The following ZFHX3 variants were observed in gnomAD, a reference collection of about 807,000 sequenced individuals.
ZFHX3 encodes the protein zinc finger homeobox protein 3.
A neutral mutation model predicts 279.1 loss-of-function variants in ZFHX3; 42 were observed. The ratio of observed to expected loss-of-function variants is 0.15; its 90% CI spans 0.12 to 0.19. The LOEUF (loss-of-function observed/expected upper bound fraction) is 0.19, where lower values mean the gene tolerates loss of function less well. Ranked by LOEUF, ZFHX3 falls within the 10% of genes least tolerant of loss-of-function variation. The pLI is 1.00. For missense variants in ZFHX3, 4,981 were observed against 4,754.0 expected, an observed-to-expected ratio of 1.05 and a Z score of -1.40; for synonymous variants, 2,293 against 1,957.8, an observed-to-expected ratio of 1.17 and a Z score of -4.52.
intron 4 of ZFHX3, among the ~76,000 whole-genome samples, chr16:72,872,723 T>C (rs2038194980): frequency 6.6e-6 from 1 of 152,324 alleles, no homozygotes; most frequent in South Asian, 2.1e-4. Context: ...CCTCACAAAG[T>C]GCTCAGATTA....
At chr16:72,924,808 G>A (rs770869504) in intron 3 of ZFHX3, among the ~76,000 whole-genome samples, 9 of 152,160 alleles carry the variant, frequency 5.9e-5, no homozygotes, top group Non-Finnish European at 1.2e-4. Context: ...TTTAGCCCCC[G>A]CCTCCCTTTA....
chr16:73,073,852 AT>A (rs1182742212), intron 8 of ZFHX3, among the ~76,000 whole-genome samples: 6 of 152,226 alleles, frequency 3.9e-5, no homozygotes, highest in Non-Finnish European at 8.8e-5. Context: ...GGTCAATGAA[AT>A]TATTGTTGTG....
chr16:73,501,935 G>C (rs1267756245), intron 2 of ZFHX3, among the ~76,000 whole-genome samples: 3 of 151,996 alleles, frequency 2.0e-5, no homozygotes, highest in Non-Finnish European at 4.4e-5. Flanking sequence ...GAAAGGTTTG[G>C]TTAATGTTAT....
intron 1 of ZFHX3, among the ~76,000 whole-genome samples, chr16:73,780,041 A>T (rs1959403714): frequency 6.9e-6 from 1 of 145,574 alleles, no homozygotes; most frequent in East Asian, 2.1e-4. Context: ...CAGACTATGA[A>T]GTCATGACTG....
chr16:73,050,485 G>C (rs1407522835), upstream of ZFHX3, among the ~76,000 whole-genome samples: 1 of 152,198 alleles, frequency 6.6e-6, no homozygotes. Context: ...TATGGCCTCT[G>C]TACATTATGG....
At position 73,802,621 on chromosome 16, in the gene ZFHX3, G is replaced by C. The variant is rs79504800; in HGVS notation, c.-1608+89030C>G. 1.4e-3 allele frequency among the ~76,000 whole-genome samples: 206 copies of C among 152,268 alleles called. 2 individuals carry two copies. In the East Asian group the frequency reaches 0.033, roughly 25 times the overall value. On this transcript the variant is annotated intron_variant, in intron 1 of 17. Transcript: ENST00000641206. ...CTGCCTGGGGTAAGTGACAGTACTA[G>C]ACTTGAATGTCACACTGTAGGCACA... is the stretch of plus-strand genomic sequence containing the variant.
Position 72,866,955 on chromosome 16 carries a change from T to C in ZFHX3, c.3448+22776A>G, listed in dbSNP as rs187328470. On this transcript the variant is annotated intron_variant, in intron 4 of 9. Coordinates refer to ENST00000268489, the MANE Select transcript of ZFHX3 (RefSeq NM_006885.4). ...CAGATTCCCTAAATTATCATCTCTC[T>C]GGAAGTTCTGCAAAATATGAACAGT... Among the ~76,000 whole-genome samples the C allele has an allele frequency of 8.5e-5, 13 of 152,368 alleles. No homozygotes were observed. In the East Asian group the frequency reaches 2.5e-3, roughly 29 times the overall value.
intron 1 of ZFHX3, among the ~76,000 whole-genome samples, chr16:73,790,665 C>T (rs1050721795): frequency 3.3e-5 from 5 of 152,308 alleles, no homozygotes; most frequent in East Asian, 1.9e-4. Context: ...AGGCTGGTGG[C>T]CTTATTCTGG....
At chr16:73,801,981 G>A (rs558340490) in intron 1 of ZFHX3, among the ~76,000 whole-genome samples, 5 of 152,204 alleles carry the variant, frequency 3.3e-5, no homozygotes, top group African/African-American at 4.8e-5. Context: ...TCTCCTCGCC[G>A]TTAGAGGAAC....
At chr16:73,708,686 G>A (rs371325577) in intron 1 of ZFHX3, among the ~76,000 whole-genome samples, 2 of 152,210 alleles carry the variant, frequency 1.3e-5, no homozygotes. Context: ...AGATGAATAG[G>A]AGAAGAGGTA....
intron 2 of ZFHX3, among the ~76,000 whole-genome samples, chr16:73,516,310 T>C (rs2019520615): frequency 6.6e-6 from 1 of 152,110 alleles, no homozygotes; most frequent in Admixed American, 6.5e-5. Flanking sequence ...CATAGAACTG[T>C]AGAGTTAGAA....
intron 6 of ZFHX3, among the ~76,000 whole-genome samples, chr16:73,133,291 G>A (rs530439257): frequency 7.2e-5 from 11 of 152,352 alleles, no homozygotes; most frequent in East Asian, 3.9e-4. Flanking sequence ...GGAGGCTGAG[G>A]TGGGTGGATC....
chr16:73,264,239 T>A (rs779958663), intron 4 of ZFHX3, among the ~76,000 whole-genome samples: 3 of 152,226 alleles, frequency 2.0e-5, no homozygotes, highest in Non-Finnish European at 4.4e-5. Context: ...CTCTTCTTTT[T>A]ATCCCTCATT....
At chr16:73,652,695 G>A (rs990893911) in intron 2 of ZFHX3, among the ~76,000 whole-genome samples, 1 of 152,134 alleles carries the variant, frequency 6.6e-6, no homozygotes, top group African/African-American at 2.4e-5. Context: ...TGGAGAAAGT[G>A]TCTGGAGAAA....
chr16:73,349,023 C>T (rs1281816409), intron 3 of ZFHX3, among the ~76,000 whole-genome samples: 1 of 152,168 alleles, frequency 6.6e-6, no homozygotes, highest in Non-Finnish European at 1.5e-5. Flanking sequence ...TCCACAGGAA[C>T]TTGTGTGTCT....
chr16:72,917,225 A>G (rs1362608153), intron 3 of ZFHX3, among the ~76,000 whole-genome samples: 1 of 152,218 alleles, frequency 6.6e-6, no homozygotes, highest in Non-Finnish European at 1.5e-5. Flanking sequence ...TGGGTGACAG[A>G]GCAACACCCT....
At chr16:73,706,456 CAAA>C (rs59244758) in intron 1 of ZFHX3, among the ~76,000 whole-genome samples, 64 of 129,702 alleles carry the variant, frequency 4.9e-4, no homozygotes, top group African/African-American at 6.1e-4. Context: ...AACTCTATCT[CAAA>C]AAAAAAAAAA....
intron 4 of ZFHX3, among the ~76,000 whole-genome samples, chr16:73,283,937 A>T (rs533997707): frequency 7.3e-4 from 111 of 152,234 alleles, no homozygotes; most frequent in Middle Eastern, 3.4e-3. Context: ...AAACAGAGTG[A>T]GACCCTGTCT....
intron 2 of ZFHX3, among the ~76,000 whole-genome samples, chr16:73,545,554 T>G (rs1042889839): frequency 1.3e-5 from 2 of 152,148 alleles, no homozygotes; most frequent in African/African-American, 2.4e-5. Context: ...CCGCACAGCC[T>G]CTGAAGTTGA....
Sources: allele counts gnomAD v4.1 joint callset (sites outside exome capture counted in the v4.1 genomes callset), GRCh38; gene constraint gnomAD v4.1.1; transcripts MANE v1.5; gene names NCBI Gene and HGNC (gene_info 2026-07-23, HGNC 2026-07-21).